SLC6A2: variants seen among roughly 807,000 people sequenced by gnomAD.
SLC6A2 encodes solute carrier family 6 member 2, also known as sodium-dependent noradrenaline transporter.
Under a neutral mutation model 71.7 loss-of-function variants are expected in SLC6A2, and 26 were observed. The observed-to-expected ratio is 0.36, with a 90% CI of 0.27 to 0.50. The LOEUF (loss-of-function observed/expected upper bound fraction) is 0.50, where lower values mean the gene tolerates loss of function less well. Among genes scored for constraint, SLC6A2 ranks in the 20% least tolerant of loss-of-function variants. The pLI is 0.96. For synonymous variants in SLC6A2, 363 were observed against 337.9 expected (o/e 1.07, Z -0.82); for missense variants, 581 against 803.9 (o/e 0.72, Z 3.35).
chr16:55,656,877 G>A lies in SLC6A2; in HGVS notation c.183G>A (p.Lys61=). Residue 61 remains lysine (K), a synonymous_variant, in exon 2 of 15, where the codon AAG becomes AAA. Transcript: ENST00000568943. This position sits in a 1 kb window ranked among gnomAD's most constrained non-coding sequence, Gnocchi z 4.5. The stretch of plus-strand genomic sequence containing the variant: ...CGCAGCCCCGGGAGACCTGGGGCAA[G>A]AAGATCGACTTCCTGCTGTCCGTAG... ...GDAQPRETWG[K]KIDFLLSVVG... is the part of the protein sequence containing the mutation. 1 of 1,614,040 alleles carries A rather than the reference G, an allele frequency of 6.2e-7. No homozygotes were observed. Among genetic ancestry groups the A allele is most frequent in the South Asian group, 1.1e-5 (1 of 91,086 alleles).
chr16:55,666,838 G>A lies in SLC6A2; in HGVS notation c.275-2727G>A, dbSNP rs891424244. On this transcript the variant is annotated intron_variant, in intron 2 of 14. Coordinates refer to ENST00000568943, the MANE Select transcript of SLC6A2 (RefSeq NM_001172501.3). ...GCTGCTTTTCCCCTTCCTTGGCCAT[G>A]CAGCAGAGTATTGAGTCGCTGGGGG... Among the ~76,000 whole-genome samples the A allele has an allele frequency of 3.3e-5, 5 of 152,330 alleles. No individual in the cohort carries two copies. In the East Asian group the frequency reaches 9.6e-4, roughly 29 times the overall value.
At chr16:55,661,633 A>C (rs1468071078) in intron 2 of SLC6A2, among the ~76,000 whole-genome samples, 1 of 152,360 alleles carries the variant, frequency 6.6e-6, no homozygotes, top group African/African-American at 2.4e-5. Flanking sequence ...ATAAGGCTGG[A>C]AAATAGTCCC....
chr16:55,669,824 G>C lies in SLC6A2; in HGVS notation c.406+128G>C. ...TGTGGGATTCACAGGTATTGACAAG[G>C]TCAACAGTGTCCCCCATTCCAAGTT... is the stretch of plus-strand genomic sequence containing the variant. On this transcript the variant is annotated intron_variant, in intron 3 of 14. Coordinates refer to ENST00000568943, the MANE Select transcript of SLC6A2 (RefSeq NM_001172501.3). 3.0e-6 allele frequency: 3 copies of C among 992,954 alleles called. No homozygotes were observed. The South Asian group carries it at 4.1e-5, about 14-fold the overall frequency. 61.5% of individuals were successfully genotyped at this position (992,954 alleles called of 1,614,324 possible).
At chr16:55,661,082 A>G (rs1054286907) in intron 2 of SLC6A2, among the ~76,000 whole-genome samples, 25 of 152,318 alleles carry the variant, frequency 1.6e-4, no homozygotes, top group African/African-American at 5.8e-4. Flanking sequence ...GCTGGTCTCC[A>G]TGAGGAGGCA....
Position 55,702,407 on chromosome 16 carries a change from C to G in SLC6A2, c.*61C>G. 1 of 1,613,950 alleles carries G rather than the reference C, an allele frequency of 6.2e-7. No individual in the cohort carries two copies. The highest frequency in any genetic ancestry group is 1.1e-5 in the South Asian group (1 of 91,074). ...ATGTCCAGGTCACAGGCATCCGCTGCGCTCCCACCTCGGACACCATCTTGG... is the reference window on the plus strand; with the variant it reads ...ATGTCCAGGTCACAGGCATCCGCTGGGCTCCCACCTCGGACACCATCTTGG... On this transcript the variant is annotated 3_prime_UTR_variant, in exon 15 of 15. Coordinates refer to ENST00000568943, the MANE Select transcript of SLC6A2 (RefSeq NM_001172501.3).
Position 55,669,702 on chromosome 16 carries a change from G to C in SLC6A2, c.406+6G>C. The C allele has an allele frequency of 6.2e-7, 1 of 1,614,170 alleles. No homozygotes were observed. The highest frequency in any genetic ancestry group is 8.5e-7 in the Non-Finnish European group (1 of 1,180,018). On this transcript the variant is annotated splice_donor_region_variant and intron_variant, in intron 3 of 14. Transcript: ENST00000568943. The stretch of plus-strand genomic sequence containing the variant: ...AATCTGCCCATTCTTCAAAGGTAAA[G>C]AAGGGGTGGGAGAAAGTCACGGTTG...
chr16:55,693,566 C>G (rs1447506043), intron 6 of SLC6A2, among the ~76,000 whole-genome samples: 1 of 152,212 alleles, frequency 6.6e-6, no homozygotes, highest in African/African-American at 2.4e-5. Context: ...TACGTAAGCC[C>G]CATTGGCCCC....
At position 55,672,094 on chromosome 16, in the gene SLC6A2, C is replaced by T. The variant is rs745749526; in HGVS notation, c.563C>T (p.Pro188Leu). The change falls in exon 4 of 15, where the codon CCC becomes CTC. Residue 188 changes from proline to leucine, a missense_variant. Around this residue, in one of 5 missense-constraint regions of SLC6A2, gnomAD observed 87 missense variants for 99.5 expected, o/e 0.87. Coordinates refer to ENST00000568943, the MANE Select transcript of SLC6A2 (RefSeq NM_001172501.3). Reference protein sequence around the residue: ...HTWNSPNCTDPKLLNGSVLGN... With the variant: ...HTWNSPNCTDLKLLNGSVLGN... ...TGGAACAGCCCCAACTGTACCGACC[C>T]CAAGCTCCTCAATGGCTCCGTGCTT... 2.5e-5 allele frequency: 40 copies of T among 1,614,216 alleles called. No individual in the cohort carries two copies. In the South Asian group the frequency reaches 3.4e-4, roughly 14 times the overall value.
intron 13 of SLC6A2, 116 bp downstream of exon 13, chr16:55,700,422 C>T (rs1360053540): frequency 3.6e-6 from 3 of 839,144 alleles, no homozygotes; most frequent in Non-Finnish European, 3.7e-6. Context: ...ACACTAGGGT[C>T]AAACGGACCC....
chr16:55,669,736 G>C (rs772954474), intron 3 of SLC6A2, 40 bp downstream of exon 3: 1 of 1,612,648 alleles, frequency 6.2e-7, no homozygotes, highest in Non-Finnish European at 8.5e-7. Context: ...TGTTCATAAA[G>C]GCTTCCCTGT....
intron 13 of SLC6A2, 88 bp downstream of exon 13, chr16:55,700,394 A>G: frequency 8.4e-7 from 1 of 1,188,700 alleles, no homozygotes. Flanking sequence ...GGGTGGGGGA[A>G]GGGACAGAAG....
intron 6 of SLC6A2, 64 bp downstream of exon 6, chr16:55,692,116 A>G (rs1965652915): frequency 1.3e-6 from 2 of 1,584,662 alleles, no homozygotes; most frequent in East Asian, 2.2e-5. Context: ...GGAGAAGGTG[A>G]TGATGGAAAA....
chr16:55,678,475 A>T (rs2142536442), intron 4 of SLC6A2, among the ~76,000 whole-genome samples: 1 of 152,198 alleles, frequency 6.6e-6, no homozygotes, highest in Non-Finnish European at 1.5e-5. Context: ...TTTTGTTACC[A>T]TCCTGTACTC....
At chr16:55,691,421 G>A (rs569038605) in intron 5 of SLC6A2, among the ~76,000 whole-genome samples, 114 of 152,276 alleles carry the variant, frequency 7.5e-4, no homozygotes, top group African/African-American at 2.5e-3. Flanking sequence ...CATGAACCAC[G>A]CCTTGATCTA....
chr16:55,694,664 G>A (rs1194360528), intron 7 of SLC6A2, among the ~76,000 whole-genome samples: 2 of 152,204 alleles, frequency 1.3e-5, no homozygotes, highest in African/African-American at 4.8e-5. Context: ...TTTGGTACAT[G>A]ACAGAGTCCA....
At chr16:55,690,874 C>T (rs1322021553) in intron 5 of SLC6A2, among the ~76,000 whole-genome samples, 1 of 152,124 alleles carries the variant, frequency 6.6e-6, no homozygotes, top group African/African-American at 2.4e-5. Context: ...ATAACACCCC[C>T]ATCCCTGTCT....
At chr16:55,660,423 C>T (rs989476539) in intron 2 of SLC6A2, among the ~76,000 whole-genome samples, 1 of 152,348 alleles carries the variant, frequency 6.6e-6, no homozygotes, top group Non-Finnish European at 1.5e-5. Context: ...CCTTCTCTCA[C>T]TTACCCCTCA....
intron 9 of SLC6A2, among the ~76,000 whole-genome samples, 157 bp from the exon 10 acceptor site, chr16:55,697,740 G>T (rs551339560): frequency 6.6e-6 from 1 of 152,132 alleles, no homozygotes; most frequent in Non-Finnish European, 1.5e-5. Context: ...GAAATGTGAC[G>T]AGAGGATGGG....
chr16:55,659,027 C>A (rs1196507804), intron 2 of SLC6A2, among the ~76,000 whole-genome samples: 2 of 152,240 alleles, frequency 1.3e-5, no homozygotes, highest in Admixed American at 6.5e-5. Flanking sequence ...CCCGCCATCC[C>A]GCCTGTCCTC....
Sources: allele counts gnomAD v4.1 joint callset (sites outside exome capture counted in the v4.1 genomes callset), GRCh38; gene constraint gnomAD v4.1.1; regional missense constraint gnomAD v4.1.1; non-coding constraint Gnocchi (gnomAD v3.1); transcripts MANE v1.5; gene names NCBI Gene and HGNC (gene_info 2026-07-23, HGNC 2026-07-21).